The following ERC2 variants were observed in gnomAD, a reference collection of about 807,000 sequenced individuals.
ERC2 encodes the protein ERC protein 2.
In ERC2, 42 loss-of-function variants were observed where a neutral mutation model predicts 114.8. The observed-to-expected ratio is 0.37, with a 90% CI of 0.29 to 0.47. The LOEUF is 0.47. ERC2 is among the 20% of genes least tolerant of loss of function. The pLI is 0.99. For synonymous variants in ERC2, 454 were observed against 425.5 expected, an observed-to-expected ratio of 1.07 and a Z score of -0.82; for missense variants, 939 against 1,150.7, an observed-to-expected ratio of 0.82 and a Z score of 2.66.
chr3:55,596,765 G>A (rs1191182668), intron 17 of ERC2, among the ~76,000 whole-genome samples: 1 of 151,842 alleles, frequency 6.6e-6, no homozygotes, highest in African/African-American at 2.4e-5. Context: ...TGAAAGATAA[G>A]AACAACCTAC....
intron 3 of ERC2, among the ~76,000 whole-genome samples, chr3:56,287,998 T>C (rs573757309): frequency 1.5e-3 from 226 of 152,200 alleles, no homozygotes; most frequent in Non-Finnish European, 2.8e-3. Flanking sequence ...CTCCCAGGGT[T>C]GCCAAAAGTA....
intron 14 of ERC2, among the ~76,000 whole-genome samples, chr3:55,794,371 T>C (rs528446954): frequency 6.6e-6 from 1 of 152,320 alleles, no homozygotes; most frequent in South Asian, 2.1e-4. Context: ...TCATAGTAAT[T>C]ATAATGGACT....
intron 17 of ERC2, among the ~76,000 whole-genome samples, chr3:55,652,071 T>A (rs1260397539): frequency 6.6e-6 from 1 of 152,220 alleles, no homozygotes; most frequent in African/African-American, 2.4e-5. Flanking sequence ...TTTCCTTTCC[T>A]GCGAACATTT....
intron 13 of ERC2, among the ~76,000 whole-genome samples, chr3:55,940,346 C>A (rs761119078): frequency 6.6e-6 from 1 of 152,084 alleles, no homozygotes; most frequent in Non-Finnish European, 1.5e-5. Flanking sequence ...AAACCCAGAT[C>A]CCCTCACTTC....
intron 1 of ERC2, among the ~76,000 whole-genome samples, chr3:56,463,099 G>A (rs993323077): frequency 1.3e-4 from 20 of 152,102 alleles, no homozygotes; most frequent in African/African-American, 2.9e-4. Context: ...ATGGTAGTGC[G>A]CACCTGTAGT....
intron 17 of ERC2, among the ~76,000 whole-genome samples, chr3:55,632,911 A>G (rs1474027816): frequency 6.6e-6 from 1 of 152,228 alleles, no homozygotes; most frequent in East Asian, 1.9e-4. Flanking sequence ...TTTCGCCAGG[A>G]CTAAACCACA....
intron 14 of ERC2, among the ~76,000 whole-genome samples, chr3:55,800,843 G>A (rs12488085): frequency 0.32 from 49,214 of 151,934 alleles, 9,631 homozygotes; most frequent in African/African-American, 0.55. Flanking sequence ...AAGGAAAGTG[G>A]GGTCAGCACA....
chr3:56,331,359 ACT>A, intron 2 of ERC2, among the ~76,000 whole-genome samples: 1 of 151,500 alleles, frequency 6.6e-6, no homozygotes, highest in East Asian at 1.9e-4. Context: ...TGACCTCCTC[ACT>A]CTACTCACTG....
At chr3:56,199,640 T>C (rs1437307127) in intron 3 of ERC2, among the ~76,000 whole-genome samples, 1 of 152,214 alleles carries the variant, frequency 6.6e-6, no homozygotes, top group East Asian at 1.9e-4. Flanking sequence ...CCCAGGAAGC[T>C]AGGACTACAG....
At chr3:56,315,318 T>C (rs1444160779) in intron 2 of ERC2, among the ~76,000 whole-genome samples, 1 of 152,180 alleles carries the variant, frequency 6.6e-6, no homozygotes, top group African/African-American at 2.4e-5. Flanking sequence ...CTTAGGAACC[T>C]GGAAATGATA....
chr3:55,670,373 T>C (rs9842333), intron 17 of ERC2, among the ~76,000 whole-genome samples: 98,068 of 152,086 alleles, frequency 0.64, 31,728 homozygotes, highest in Admixed American at 0.69. Flanking sequence ...GTGGAGAGGA[T>C]GAAAATGGAC....
intron 12 of ERC2, among the ~76,000 whole-genome samples, chr3:55,966,581 A>T (rs1378421611): frequency 6.6e-6 from 1 of 152,144 alleles, no homozygotes; most frequent in African/African-American, 2.4e-5. Flanking sequence ...GACCAGAAAA[A>T]TGAGGAAGAG....
intron 1 of ERC2, among the ~76,000 whole-genome samples, chr3:56,445,165 C>T (rs1314245764): frequency 1.3e-5 from 2 of 152,194 alleles, no homozygotes; most frequent in African/African-American, 2.4e-5. Flanking sequence ...CAACCAGCAG[C>T]TGCCCCTTCA....
intron 17 of ERC2, among the ~76,000 whole-genome samples, chr3:55,613,704 C>T (rs972282991): frequency 6.5e-4 from 99 of 151,982 alleles, no homozygotes; most frequent in African/African-American, 2.2e-3. Context: ...TGTGGCCGGG[C>T]GTGGTGGCTC....
chr3:55,901,441 C>T lies in ERC2; in HGVS notation c.2404-12892G>A, dbSNP rs112175162. On this transcript the variant is annotated intron_variant, in intron 13 of 17. Transcript: ENST00000288221. ...AAGCTCATGGAGTTGAAAGATTATT[C>T]AATTCCTTGCAGATGTGGGTCTGAG... 7.9e-5 allele frequency among the ~76,000 whole-genome samples: 12 copies of T among 152,242 alleles called. No individual in the cohort carries two copies. The South Asian group carries it at 2.1e-3, about 26-fold the overall frequency.
intron 17 of ERC2, among the ~76,000 whole-genome samples, chr3:55,568,625 T>C (rs942538268): frequency 1.3e-4 from 20 of 152,336 alleles, no homozygotes; most frequent in African/African-American, 3.6e-4. Flanking sequence ...TGCCATCACC[T>C]TGGTCCAAAC....
intron 6 of ERC2, among the ~76,000 whole-genome samples, chr3:56,114,420 G>A (rs938349766): frequency 2.0e-5 from 3 of 152,096 alleles, no homozygotes; most frequent in Non-Finnish European, 4.4e-5. Flanking sequence ...CAACCCTTAC[G>A]AAAGAAAGTC....
At chr3:55,950,750 C>T (rs1049571483) in intron 12 of ERC2, among the ~76,000 whole-genome samples, 190 bp from the exon 13 acceptor site, 7 of 152,172 alleles carry the variant, frequency 4.6e-5, no homozygotes, top group African/African-American at 9.7e-5. Context: ...GGTCCCAGGA[C>T]GGCACTGGGG....
intron 12 of ERC2, among the ~76,000 whole-genome samples, chr3:55,974,901 T>C (rs1429308539): frequency 6.6e-6 from 1 of 152,218 alleles, no homozygotes; most frequent in Admixed American, 6.5e-5. Flanking sequence ...GAATCCTTTG[T>C]ATTATAGAAA....
Sources: gnomAD v4.1 joint callset for allele counts (sites outside exome capture counted in the v4.1 genomes callset) on GRCh38, gnomAD v4.1.1 for gene constraint, MANE v1.5 for transcripts, NCBI Gene and HGNC (gene_info 2026-07-23, HGNC 2026-07-21) for gene names.